Variants in GATA4 observed in about 807,000 individuals in gnomAD.
GATA4 encodes transcription factor GATA-4.
GATA4 carries 7 observed loss-of-function variants against 37.9 expected under a neutral mutation model. The observed-to-expected ratio is 0.18, with a 90% CI of 0.11 to 0.35. The LOEUF is 0.35. Among genes scored for constraint, GATA4 ranks in the 10% least tolerant of loss-of-function variants. The pLI is 1.00. For synonymous variants in GATA4, 372 were observed against 292.6 expected, an observed-to-expected ratio of 1.27 and a Z score of -2.77; for missense variants, 647 against 653.0, an observed-to-expected ratio of 0.99 and a Z score of 0.10.
At chr8:11,756,641 A>G in intron 5 of GATA4, 1 of 489,032 alleles carries the variant, frequency 2.0e-6, no homozygotes, top group Non-Finnish European at 3.7e-6. Context: ...CTGTAATAAT[A>G]CACAGTATTT....
rs1479838336 is a variant in GATA4, at chr8:11,759,279, C to T, written c.*804C>T. On this transcript the variant is annotated 3_prime_UTR_variant, in exon 7 of 7. Transcript: ENST00000532059. The stretch of plus-strand genomic sequence containing the variant: ...CACCCCCTCGAGTTCACTGCAGACC[C>T]TTCGTTCACCGTGTCACACATAGAG... 2.6e-5 allele frequency: 4 copies of T among 153,442 alleles called. No homozygotes were observed. The highest frequency in any genetic ancestry group is 1.9e-4 in the East Asian group (1 of 5,202). The allele number at this position is 153,442 out of a possible 1,614,324, so 9.5% of individuals were successfully genotyped here.
chr8:11,751,037 T>C (rs1022427336), intron 4 of GATA4, among the ~76,000 whole-genome samples: 1 of 152,140 alleles, frequency 6.6e-6, no homozygotes, highest in Non-Finnish European at 1.5e-5. Flanking sequence ...AGTATTTATA[T>C]AACTTTGGGG....
intron 1 of GATA4, among the ~76,000 whole-genome samples, chr8:11,698,221 C>T (rs1799566235): frequency 6.6e-6 from 1 of 152,238 alleles, no homozygotes; most frequent in Admixed American, 6.5e-5. Flanking sequence ...CCGTCCATTG[C>T]CTGCTTTGGT....
chr8:11,693,389 T>G (rs1585564894), intron 1 of GATA4, among the ~76,000 whole-genome samples: 1 of 149,788 alleles, frequency 6.7e-6, no homozygotes, highest in South Asian at 2.1e-4. Context: ...CCTGGGGAGG[T>G]AGAGGCTGCA....
At chr8:11,714,777 C>T (rs971674386) in intron 2 of GATA4, among the ~76,000 whole-genome samples, 17 of 152,122 alleles carry the variant, frequency 1.1e-4, no homozygotes, top group African/African-American at 4.1e-4. Flanking sequence ...TGTATCCCTC[C>T]CCATTTCTTT....
intron 1 of GATA4, among the ~76,000 whole-genome samples, chr8:11,677,337 C>G (rs906769676): frequency 2.0e-5 from 3 of 152,204 alleles, no homozygotes; most frequent in Non-Finnish European, 4.4e-5. Flanking sequence ...TTCTGTGTCC[C>G]TCCTTCTTCC....
At chr8:11,723,860 A>G (rs1453449160) in intron 2 of GATA4, among the ~76,000 whole-genome samples, 1 of 152,222 alleles carries the variant, frequency 6.6e-6, no homozygotes, top group Non-Finnish European at 1.5e-5. Context: ...TTAAGTGTAC[A>G]GTTGGGTGGC....
At chr8:11,721,342 G>C (rs1269659396) in intron 2 of GATA4, among the ~76,000 whole-genome samples, 3 of 148,896 alleles carry the variant, frequency 2.0e-5, no homozygotes, top group Non-Finnish European at 3.0e-5. Flanking sequence ...TGGAGGGCGC[G>C]AGGCAGGAAT....
At chr8:11,698,600 C>T (rs577846055) in intron 1 of GATA4, among the ~76,000 whole-genome samples, 27 of 152,312 alleles carry the variant, frequency 1.8e-4, no homozygotes, top group African/African-American at 5.8e-4. Flanking sequence ...TTGGTCTCTC[C>T]ATCCTTCCAG....
At position 11,708,711 on chromosome 8, in the gene GATA4, C is replaced by A. The variant is rs1362379796; in HGVS notation, c.399C>A (p.Ser133Arg). ...CGGCCCGGGAAGCTGCGGCCTACAG[C>A]AGTGGCGGCGGAGCGGCGGGTGCGG... ...AAAAREAAAY[S>R]SGGGAAGAGL... The change falls in exon 2 of 7, where the codon AGC becomes AGA. Residue 133 changes from serine to arginine, a missense_variant. Around this residue, in one of 5 missense-constraint regions of GATA4, gnomAD observed 379 missense variants for 334.5 expected, o/e 1.13. Coordinates refer to ENST00000532059, the MANE Select transcript of GATA4 (RefSeq NM_001308093.3). This position sits in a 1 kb window ranked among gnomAD's most constrained non-coding sequence, Gnocchi z 6.7. 7.9e-7 allele frequency: 1 copy of A among 1,272,216 alleles called. No individual in the cohort carries two copies. The highest frequency in any genetic ancestry group is 9.8e-7 in the Non-Finnish European group (1 of 1,016,058). 78.8% of individuals were successfully genotyped at this position (1,272,216 alleles called of 1,614,324 possible). A position where few individuals can be genotyped will look rare whatever the true frequency, so the allele number is the denominator to read the frequency against.
intron 2 of GATA4, among the ~76,000 whole-genome samples, chr8:11,726,519 A>G (rs1371121075): frequency 1.3e-5 from 2 of 152,092 alleles, no homozygotes; most frequent in Non-Finnish European, 2.9e-5. Context: ...GGACAGGGGG[A>G]CAGGTGGCAG....
rs1799945337 is a variant in GATA4, at chr8:11,707,552, T to TTA, written c.-457-304_-457-303insTA. ...CTTGCAGAATAAGGTAACATTAAAG[T>TTA]CCTTCCTGACAAGCAATACAAAAAT... is the stretch of plus-strand genomic sequence containing the variant. On this transcript the variant is annotated intron_variant, in intron 1 of 6. Transcript: ENST00000532059. The surrounding 1 kb of genome is among the most constrained non-coding windows in gnomAD (Gnocchi z 4.7). Among the ~76,000 whole-genome samples, 1 of 152,038 alleles carries TTA rather than the reference T, an allele frequency of 6.6e-6. No homozygotes were observed. Among genetic ancestry groups the TTA allele is most frequent in the African/African-American group, 2.4e-5 (1 of 41,374 alleles).
chr8:11,741,713 T>A (rs1302316881), intron 2 of GATA4, among the ~76,000 whole-genome samples: 2 of 152,174 alleles, frequency 1.3e-5, no homozygotes, highest in African/African-American at 4.8e-5. Flanking sequence ...TTGACAATGA[T>A]GAAGGCCAGG....
Position 11,759,342 on chromosome 8 carries a change from C to G in GATA4, c.*867C>G, listed in dbSNP as rs1232139595. 2 of 153,014 alleles carry G rather than the reference C, an allele frequency of 1.3e-5. No homozygotes were observed. The highest frequency in any genetic ancestry group is 2.4e-5 in the African/African-American group (1 of 41,472). 9.5% of individuals were successfully genotyped at this position (153,014 alleles called of 1,614,324 possible). On this transcript the variant is annotated 3_prime_UTR_variant, in exon 7 of 7. Transcript: ENST00000532059. ...AGAACAAAACGTTCTGCTGCTCAAG[C>G]CAGTCTGGCAAGCACTCAGCCCAGC...
In GATA4 at chr8:11,685,866, G is replaced by GAT. The variant is rs1158902635; in HGVS notation, c.-274+8804_-274+8805insTA. On this transcript the variant is annotated intron_variant, in intron 1 of 6. Coordinates refer to the GATA4 transcript ENST00000528712. ...GCTGCAAATAGAAGCTGATTATTCA[G>GAT]ACCTCAGGGAGGGAGAAAAGGAGGA... Among the ~76,000 whole-genome samples, 11 of 152,278 alleles carry GAT rather than the reference G, an allele frequency of 7.2e-5. No homozygotes were observed. In the East Asian group the frequency reaches 1.5e-3, roughly 21 times the overall value.
chr8:11,703,177 T>TA (rs67213838), upstream of GATA4, among the ~76,000 whole-genome samples: 365 of 144,344 alleles, frequency 2.5e-3, no homozygotes, highest in Middle Eastern at 7.1e-3. Context: ...AACGCGGCCT[T>TA]AAAAAAAAAA....
rs911687320 is a variant in GATA4, at chr8:11,679,551, C to T, written c.-274+2488C>T. 2.0e-4 allele frequency among the ~76,000 whole-genome samples: 30 copies of T among 152,318 alleles called. No homozygotes were observed. In the East Asian group the frequency reaches 5.2e-3, roughly 26 times the overall value. Reference sequence around the variant, plus strand: ...AAAAGGAACCCCGACTGCTGGGGTCCGAGCCCTGGGCCGCTTGCGGGGCGC... The same window carrying T: ...AAAAGGAACCCCGACTGCTGGGGTCTGAGCCCTGGGCCGCTTGCGGGGCGC... On this transcript the variant is annotated intron_variant, in intron 1 of 6. Coordinates refer to the GATA4 transcript ENST00000528712.
chr8:11,701,260 A>G (rs1799667310), upstream of GATA4, among the ~76,000 whole-genome samples: 1 of 151,734 alleles, frequency 6.6e-6, no homozygotes, highest in Admixed American at 6.6e-5. Context: ...AAAAAAAAAA[A>G]AAAAGTCAAA....
At position 11,726,471 on chromosome 8, in the gene GATA4, C is replaced by T. The variant is rs112735914; in HGVS notation, c.616+17543C>T. Among the ~76,000 whole-genome samples, 416 of 152,312 alleles carry T rather than the reference C, an allele frequency of 2.7e-3. 3 individuals carry two copies. The highest frequency in any genetic ancestry group is 5.0e-3 in the South Asian group (24 of 4,828). Reference sequence around the variant, plus strand: ...GGCCAACACCGGGGACCTCTTGGGTCTGAGGCAGGGAGAAAGGTGCAGGTG... The same window carrying T: ...GGCCAACACCGGGGACCTCTTGGGTTTGAGGCAGGGAGAAAGGTGCAGGTG... On this transcript the variant is annotated intron_variant, in intron 2 of 6. Transcript: ENST00000532059.
Sources: gnomAD v4.1 joint callset for allele counts (sites outside exome capture counted in the v4.1 genomes callset) on GRCh38, gnomAD v4.1.1 for gene constraint, gnomAD v4.1.1 regional missense constraint, Gnocchi (gnomAD v3.1) non-coding constraint, MANE v1.5 for transcripts, NCBI Gene and HGNC (gene_info 2026-07-23, HGNC 2026-07-21) for gene names.